The following KIAA1958 variants were observed in gnomAD, a reference collection of about 807,000 sequenced individuals.
The protein encoded by KIAA1958 is uncharacterized protein KIAA1958.
Under a neutral mutation model 47.2 loss-of-function variants are expected in KIAA1958, and 14 were observed. The observed-to-expected ratio is 0.30, with a 90% CI of 0.20 to 0.46. The LOEUF (loss-of-function observed/expected upper bound fraction) is 0.46. KIAA1958 is among the 20% of genes least tolerant of loss of function. The probability of loss-of-function intolerance (pLI) is 1.00; values close to 1 mark genes in which losing one functional copy is unlikely to be tolerated. For missense variants in KIAA1958, 803 were observed against 909.2 expected, an observed-to-expected ratio of 0.88 and a Z score of 1.50; for synonymous variants, 354 against 353.3, an observed-to-expected ratio of 1.00 and a Z score of -0.02.
intron 1 of KIAA1958, among the ~76,000 whole-genome samples, chr9:112,558,979 C>G (rs1006709925): frequency 3.3e-5 from 5 of 152,220 alleles, no homozygotes; most frequent in African/African-American, 1.2e-4. Context: ...GGTTCACCCA[C>G]TCTGCACAAA....
chr9:112,591,821 C>T (rs1232457439), intron 2 of KIAA1958, among the ~76,000 whole-genome samples: 4 of 152,228 alleles, frequency 2.6e-5, no homozygotes, highest in Non-Finnish European at 5.9e-5. Context: ...TATAAAGTTA[C>T]GGTGCCACAA....
chr9:112,555,716 T>A (rs906393303), intron 1 of KIAA1958, among the ~76,000 whole-genome samples: 4 of 152,180 alleles, frequency 2.6e-5, no homozygotes, highest in African/African-American at 9.7e-5. Context: ...TTCCTCCAGC[T>A]CTTTTGTAAG....
chr9:112,596,512 T>C (rs1025488456), intron 2 of KIAA1958, among the ~76,000 whole-genome samples: 14 of 152,220 alleles, frequency 9.2e-5, no homozygotes, highest in Admixed American at 4.6e-4. Flanking sequence ...CCTATACTTA[T>C]AAATGAGTAT....
At chr9:112,647,460 C>CAAAA (rs1460664901) in intron 3 of KIAA1958, among the ~76,000 whole-genome samples, 1 of 150,284 alleles carries the variant, frequency 6.7e-6, no homozygotes, top group Admixed American at 6.6e-5. Flanking sequence ...TTAAAAAAAA[C>CAAAA]AAAAAACAAA....
Position 112,569,108 on chromosome 9 carries a change from G to A in KIAA1958, c.-24-4949G>A, listed in dbSNP as rs758137163. On this transcript the variant is annotated intron_variant, in intron 1 of 3. Coordinates refer to ENST00000337530, the MANE Select transcript of KIAA1958 (RefSeq NM_133465.4). ...ATGAATAGCTGCTTTTTGTCTTTTC[G>A]GACATGGCTCTCGTTGGAGAATATG... 2.7e-4 allele frequency among the ~76,000 whole-genome samples: 41 copies of A among 151,826 alleles called. 1 individual carries two copies. Among genetic ancestry groups the A allele is most frequent in the African/African-American group, 8.0e-4 (33 of 41,310 alleles).
At chr9:112,558,096 G>A (rs1480540778) in intron 1 of KIAA1958, among the ~76,000 whole-genome samples, 5 of 151,944 alleles carry the variant, frequency 3.3e-5, no homozygotes, top group African/African-American at 4.8e-5. Context: ...ATCGTGGTGC[G>A]CGCCTGTAGT....
At position 112,526,630 on chromosome 9, in the gene KIAA1958, G is replaced by T. The variant is rs188663316; in HGVS notation, c.-25+39512G>T. On this transcript the variant is annotated intron_variant, in intron 1 of 3. Transcript: ENST00000337530. ...AGTCAATATCAAGATGCTAGCATCTGGTAAGGACCTTCTTGCTGTGTTATC... is the reference window on the plus strand; with the variant it reads ...AGTCAATATCAAGATGCTAGCATCTTGTAAGGACCTTCTTGCTGTGTTATC... 2.1e-3 allele frequency among the ~76,000 whole-genome samples: 321 copies of T among 152,300 alleles called. 2 individuals are homozygous for T. The highest frequency in any genetic ancestry group is 6.8e-3 in the Middle Eastern group (2 of 294).
chr9:112,641,346 T>A (rs1451484894), intron 2 of KIAA1958, among the ~76,000 whole-genome samples: 4 of 147,066 alleles, frequency 2.7e-5, no homozygotes, highest in African/African-American at 9.8e-5. Context: ...TTTTTTTTTT[T>A]AGCCATTTGG....
chr9:112,539,527 G>A (rs1834905934), intron 1 of KIAA1958, among the ~76,000 whole-genome samples: 1 of 152,026 alleles, frequency 6.6e-6, no homozygotes, highest in Non-Finnish European at 1.5e-5. Context: ...GAGTGGGGTT[G>A]GGAGGGGGTA....
intron 1 of KIAA1958, among the ~76,000 whole-genome samples, chr9:112,571,160 A>ACACC (rs1206816527): frequency 6.6e-6 from 1 of 152,236 alleles, no homozygotes; most frequent in African/African-American, 2.4e-5. Flanking sequence ...CCTTACAGAC[A>ACACC]CACCCCCAAA....
At chr9:112,508,726 T>C (rs912864990) in intron 1 of KIAA1958, among the ~76,000 whole-genome samples, 14 of 152,230 alleles carry the variant, frequency 9.2e-5, no homozygotes, top group African/African-American at 3.4e-4. Flanking sequence ...AAAATATGCA[T>C]TATTAAACAT....
intron 3 of KIAA1958, among the ~76,000 whole-genome samples, chr9:112,655,727 C>G (rs2131251207): frequency 6.6e-6 from 1 of 152,292 alleles, no homozygotes; most frequent in South Asian, 2.1e-4. Flanking sequence ...GGGAGTGTTG[C>G]TGGGCACAAG....
intron 2 of KIAA1958, among the ~76,000 whole-genome samples, chr9:112,605,710 T>G (rs1003537038): frequency 6.6e-6 from 1 of 152,190 alleles, no homozygotes; most frequent in Non-Finnish European, 1.5e-5. Flanking sequence ...ACAGTGATAC[T>G]CTTTCAGTTT....
intron 2 of KIAA1958, among the ~76,000 whole-genome samples, chr9:112,597,788 A>G (rs889371574): frequency 6.6e-6 from 1 of 152,218 alleles, no homozygotes; most frequent in Admixed American, 6.5e-5. Flanking sequence ...AGAAATGAAA[A>G]AGGAGATCAC....
chr9:112,659,526 T>A lies in KIAA1958; in HGVS notation c.1608T>A (p.Ser536=). ...GCAACATCGTCTACTTCTCCCTTTC[T>A]GACGAGGAGGAGATGTGGCAGGCAG... The part of the protein sequence containing the change: ...RSRNIVYFSL[S]DEEEMWQAGC... Residue 536 remains serine, a synonymous_variant, in exon 4 of 4, where the codon TCT becomes TCA. Transcript: ENST00000337530. 6.2e-7 allele frequency: 1 copy of A among 1,613,352 alleles called. No individual in the cohort carries two copies. The highest frequency in any genetic ancestry group is 8.5e-7 in the Non-Finnish European group (1 of 1,179,648).
rs138976266 is a variant in KIAA1958 at position 112,575,059 on chromosome 9, G to T, written c.979G>T (p.Ala327Ser). The change falls in exon 2 of 4, where the codon GCC (alanine) becomes TCC (serine). Residue 327 changes from alanine to serine, a missense_variant. By Grantham distance (99) the Ala-to-Ser change is moderately conservative (BLOSUM62 1). Transcript: ENST00000337530. ...PNKQISIPLS[A>S]LQLPGQDEQV... Reference sequence around the variant, plus strand: ...CAAACAGATCAGTATCCCCTTGTCTGCCCTGCAGCTGCCTGGACAGGATGA... The same window carrying T: ...CAAACAGATCAGTATCCCCTTGTCTTCCCTGCAGCTGCCTGGACAGGATGA... 4.3e-6 allele frequency: 7 copies of T among 1,613,662 alleles called. No homozygotes were observed. Among genetic ancestry groups the T allele is most frequent in the Non-Finnish European group, 5.9e-6 (7 of 1,180,028 alleles).
intron 1 of KIAA1958, among the ~76,000 whole-genome samples, chr9:112,517,214 A>G (rs948248676): frequency 2.1e-5 from 2 of 95,720 alleles, no homozygotes; most frequent in Non-Finnish European, 4.5e-5. Context: ...AGAACATCAT[A>G]GAGAGTCCAG....
chr9:112,592,839 G>A (rs533882742), intron 2 of KIAA1958, among the ~76,000 whole-genome samples: 1 of 152,296 alleles, frequency 6.6e-6, no homozygotes, highest in South Asian at 2.1e-4. Flanking sequence ...CAGGTAATGG[G>A]ACAACGGAAT....
chr9:112,644,832 T>A (rs961429405), intron 2 of KIAA1958, among the ~76,000 whole-genome samples: 3 of 149,588 alleles, frequency 2.0e-5, no homozygotes, highest in Admixed American at 6.7e-5. Flanking sequence ...AACAAAACTT[T>A]AAAAAAAAAA....
Sources: allele counts gnomAD v4.1 joint callset (sites outside exome capture counted in the v4.1 genomes callset), GRCh38; gene constraint gnomAD v4.1.1; transcripts MANE v1.5; gene names NCBI Gene and HGNC (gene_info 2026-07-23, HGNC 2026-07-21).